The following ESCO2 variants were observed in gnomAD, a reference collection of about 807,000 sequenced individuals.
The protein encoded by ESCO2 is N-acetyltransferase ESCO2.
ESCO2 carries 51 observed loss-of-function variants against 61.7 expected under a neutral mutation model. That is an observed-to-expected ratio of 0.83 (90% CI 0.66 to 1.04). The LOEUF is 1.04. Ranked by LOEUF, ESCO2 falls within the 50% of genes least tolerant of loss-of-function variation. The pLI, the probability that ESCO2 is intolerant of heterozygous loss-of-function variation, is 0.00. For synonymous variants in ESCO2, 230 were observed against 238.2 expected (o/e 0.97, Z 0.32); for missense variants, 692 against 686.2 (o/e 1.01, Z -0.09).
chr8:27,778,615 C>T (rs1804853758), intron 3 of ESCO2: 1 of 152,120 alleles, frequency 6.6e-6, no homozygotes. Flanking sequence ...CTGCAGTTTC[C>T]CCATGCATCT....
chr8:27,784,193 G>C (rs1585396693), intron 5 of ESCO2, 136 bp downstream of exon 5: 1 of 250,586 alleles, frequency 4.0e-6, no homozygotes. Flanking sequence ...GAATAATATT[G>C]AGAATAGGGT....
downstream of ESCO2, chr8:27,811,207 G>T (rs139830648): frequency 1.3e-4 from 177 of 1,367,156 alleles, no homozygotes; most frequent in Non-Finnish European, 1.8e-4. Flanking sequence ...AAGGGAAACA[G>T]GCGAACGATT....
chr8:27,810,293 C>T, downstream of ESCO2: 2 of 1,582,238 alleles, frequency 1.3e-6, no homozygotes, highest in Non-Finnish European at 1.7e-6. Flanking sequence ...CACACTTCAG[C>T]TGAGATGATC....
chr8:27,776,763 A>G lies in ESCO2; in HGVS notation c.455A>G (p.Tyr152Cys), dbSNP rs893124620. The change falls in exon 3 of 11, where the codon TAT (tyrosine) becomes TGT (cysteine). Residue 152 changes from tyrosine to cysteine, a missense_variant. Transcript: ENST00000305188. ...TTAACTGCTAAGTATCAACCAAAGT[A>G]TAGACACATCAAGCCTGTATCAAGG... ...KSLTAKYQPKYRHIKPVSRNS... is the reference protein window; with the variant it reads ...KSLTAKYQPKCRHIKPVSRNS... 2 of 1,614,036 alleles carry G rather than the reference A, an allele frequency of 1.2e-6. No individual in the cohort carries two copies. Among genetic ancestry groups the G allele is most frequent in the Admixed American group, 1.7e-5 (1 of 60,032 alleles).
chr8:27,810,289 T>G (rs748104410), downstream of ESCO2: 15 of 1,571,928 alleles, frequency 9.5e-6, no homozygotes, highest in Non-Finnish European at 1.3e-5. Flanking sequence ...AAGCCACACT[T>G]CAGCTGAGAT....
chr8:27,819,265 AATTC>A, the ESCO2 span, among the ~76,000 whole-genome samples: 1 of 152,228 alleles, frequency 6.6e-6, no homozygotes, highest in African/African-American at 2.4e-5. Context: ...TAGGCTATCA[AATTC>A]ATTCATTTCT....
chr8:27,804,650 C>T lies in ESCO2; in HGVS notation c.*1212C>T. On this transcript the variant is annotated 3_prime_UTR_variant, in exon 11 of 11. Coordinates refer to ENST00000305188, the MANE Select transcript of ESCO2 (RefSeq NM_001017420.3). ...ATAAGACTCTAGGCAAGTCGTTTTC[C>T]AGATTGTAATTATATGTAGAAACTA... The T allele has an allele frequency of 6.1e-6, 6 of 985,328 alleles. No homozygotes were observed. In the South Asian group the frequency reaches 2.8e-4, roughly 46 times the overall value. The allele number at this position is 985,328 out of a possible 1,614,324, so 61.0% of individuals were successfully genotyped here.
In ESCO2 at chr8:27,804,837, TTTAA is replaced by T. The variant is rs1805526297; in HGVS notation, c.*1404_*1407del. 3.4e-6 allele frequency: 3 copies of T among 874,344 alleles called. No homozygotes were observed. The highest frequency in any genetic ancestry group is 2.7e-6 in the Non-Finnish European group (2 of 728,458). The allele number at this position is 874,344 out of a possible 1,614,324, so 54.2% of individuals were successfully genotyped here. ...TCTTTTAAATATTTTATTTAAAATT[TTTAA>T]TTAACATTTTGTTTGCTTAATGCTT... On this transcript the variant is annotated 3_prime_UTR_variant, in exon 11 of 11. Transcript: ENST00000305188.
the ESCO2 span, among the ~76,000 whole-genome samples, chr8:27,818,163 G>A: frequency 1.3e-5 from 2 of 152,216 alleles, no homozygotes; most frequent in Non-Finnish European, 2.9e-5. Context: ...CATGCAGCTT[G>A]AGTAATAAGC....
intron 9 of ESCO2, among the ~76,000 whole-genome samples, chr8:27,794,092 A>G (rs1805241643): frequency 1.3e-5 from 2 of 152,258 alleles, no homozygotes; most frequent in Non-Finnish European, 2.9e-5. Context: ...AAGGCTGAAT[A>G]GTATTCCACC....
intron 4 of ESCO2, among the ~76,000 whole-genome samples, chr8:27,781,649 C>T (rs1220120205): frequency 1.3e-5 from 2 of 151,792 alleles, no homozygotes; most frequent in African/African-American, 4.8e-5. Context: ...CAGCCTCCAC[C>T]TCCAGGGTTC....
rs553566322 is a variant in ESCO2 at position 27,788,989 on chromosome 8, A to G, written c.1263+11A>G. On this transcript the variant is annotated intron_variant, in intron 7 of 10. Coordinates refer to ENST00000305188, the MANE Select transcript of ESCO2 (RefSeq NM_001017420.3). ...GGAATCAAATATGTGGTGAGCCAAAACATAGTCTTTCAGTTTGTTCTAGAA... is the reference window on the plus strand; with the variant it reads ...GGAATCAAATATGTGGTGAGCCAAAGCATAGTCTTTCAGTTTGTTCTAGAA... The G allele has an allele frequency of 2.5e-6, 4 of 1,614,002 alleles. No individual in the cohort carries two copies. The African/African-American group carries it at 4.0e-5, about 16-fold the overall frequency.
chr8:27,806,651 C>A (rs568067529), downstream of ESCO2, among the ~76,000 whole-genome samples: 1 of 146,280 alleles, frequency 6.8e-6, no homozygotes, highest in Admixed American at 6.9e-5. Flanking sequence ...CGGAGTTTTG[C>A]TCTTGTTGCC....
downstream of ESCO2, among the ~76,000 whole-genome samples, chr8:27,816,359 T>TATATATA (rs1563489324): frequency 1.0e-3 from 128 of 126,712 alleles, 1 homozygote; most frequent in East Asian, 4.7e-3. Context: ...ATATATATAT[T>TATATATA]TATTTATTTA....
chr8:27,817,900 A>G, the ESCO2 span, among the ~76,000 whole-genome samples: 4 of 152,186 alleles, frequency 2.6e-5, no homozygotes, highest in African/African-American at 9.7e-5. Context: ...CTAAATCTGC[A>G]TTGTCCAATG....
intron 9 of ESCO2, among the ~76,000 whole-genome samples, chr8:27,794,614 T>C (rs897364355): frequency 2.0e-5 from 3 of 152,186 alleles, no homozygotes; most frequent in Non-Finnish European, 1.5e-5. Context: ...CTTCTTTTAT[T>C]GCCCACATTT....
intron 9 of ESCO2, among the ~76,000 whole-genome samples, chr8:27,797,263 A>G (rs1209542479): frequency 2.0e-5 from 3 of 152,186 alleles, no homozygotes; most frequent in African/African-American, 7.2e-5. Context: ...TAGGTGCTCC[A>G]ATGTTAGATG....
intron 8 of ESCO2, among the ~76,000 whole-genome samples, chr8:27,792,363 G>A (rs901100884): frequency 2.0e-5 from 3 of 152,104 alleles, no homozygotes; most frequent in Non-Finnish European, 4.4e-5. Flanking sequence ...GAGGTTGAAT[G>A]TTTAGCCACC....
At chr8:27,805,467 A>G (rs966405310), downstream of ESCO2, among the ~76,000 whole-genome samples, 1 of 152,096 alleles carries the variant, frequency 6.6e-6, no homozygotes, top group Non-Finnish European at 1.5e-5. Flanking sequence ...AATATTTAGC[A>G]TGATTTGCTA....
Sources: gnomAD v4.1 joint callset for allele counts (sites outside exome capture counted in the v4.1 genomes callset) on GRCh38, gnomAD v4.1.1 for gene constraint, MANE v1.5 for transcripts, NCBI Gene and HGNC (gene_info 2026-07-23, HGNC 2026-07-21) for gene names.